INPP4B: variants seen among roughly 807,000 people sequenced by gnomAD.
The protein encoded by INPP4B is inositol polyphosphate-4-phosphatase type II B, also known as inositol polyphosphate 4-phosphatase type II.
INPP4B carries 55 observed loss-of-function variants against 122.5 expected under a neutral mutation model. The ratio of observed to expected loss-of-function variants is 0.45; its 90% CI spans 0.36 to 0.56. INPP4B has a LOEUF of 0.56. Among genes scored for constraint, INPP4B ranks in the 20% least tolerant of loss-of-function variants. INPP4B has a pLI of 0.00. For missense variants in INPP4B, 1,000 were observed against 1,097.7 expected (o/e 0.91, Z 1.26); for synonymous variants, 403 against 388.7 (o/e 1.04, Z -0.43).
chr4:142,177,545 T>C (rs1291788537), intron 15 of INPP4B, among the ~76,000 whole-genome samples: 2 of 152,252 alleles, frequency 1.3e-5, no homozygotes, highest in African/African-American at 4.8e-5. Context: ...TTATAGAATA[T>C]AAATAGTACT....
At chr4:142,842,084 C>A (rs928127587) in intron 1 of INPP4B, among the ~76,000 whole-genome samples, 77 of 151,754 alleles carry the variant, frequency 5.1e-4, no homozygotes, top group African/African-American at 1.8e-3. Context: ...AGATAATTCC[C>A]AAAGAAATGT....
At chr4:142,153,379 C>A (rs1815410192) in intron 17 of INPP4B, among the ~76,000 whole-genome samples, 2 of 152,122 alleles carry the variant, frequency 1.3e-5, no homozygotes. Flanking sequence ...AAAAAACTTT[C>A]TGTTTGGGAA....
At chr4:142,309,134 A>G (rs1764495477) in intron 8 of INPP4B, among the ~76,000 whole-genome samples, 1 of 152,190 alleles carries the variant, frequency 6.6e-6, no homozygotes, top group Non-Finnish European at 1.5e-5. Flanking sequence ...CAGGAAAATA[A>G]AACATCTCCC....
intron 3 of INPP4B, among the ~76,000 whole-genome samples, chr4:142,442,748 A>T (rs919686274): frequency 6.6e-6 from 1 of 152,208 alleles, no homozygotes; most frequent in Non-Finnish European, 1.5e-5. Context: ...AGAGCATGGT[A>T]GGAAGATATG....
intron 2 of INPP4B, among the ~76,000 whole-genome samples, chr4:142,548,268 G>A (rs2150065394): frequency 6.6e-6 from 1 of 152,268 alleles, no homozygotes; most frequent in South Asian, 2.1e-4. Flanking sequence ...CAGACTCAAT[G>A]GCTAATGTGT....
At chr4:142,601,170 A>G (rs1268908384) in intron 2 of INPP4B, among the ~76,000 whole-genome samples, 1 of 152,142 alleles carries the variant, frequency 6.6e-6, no homozygotes, top group African/African-American at 2.4e-5. Context: ...GAAACATTGC[A>G]CTTAAGCAAG....
intron 25 of INPP4B, chr4:142,029,966 A>ATAGTACTTTTTGTTTTT: frequency 3.6e-6 from 5 of 1,379,140 alleles, no homozygotes; most frequent in Non-Finnish European, 4.7e-6. Context: ...CACCTAATGC[A>ATAGTACTTTTTGTTTTT]TAGTACTTTT....
intron 2 of INPP4B, among the ~76,000 whole-genome samples, chr4:142,567,022 C>T (rs144865554): frequency 5.6e-4 from 85 of 152,258 alleles, no homozygotes; most frequent in African/African-American, 9.4e-4. Context: ...TCCCCTCAAA[C>T]GCTATCCTTT....
chr4:142,231,021 G>A (rs1252985186), intron 12 of INPP4B, among the ~76,000 whole-genome samples: 1 of 152,166 alleles, frequency 6.6e-6, no homozygotes, highest in Non-Finnish European at 1.5e-5. Context: ...GAATTCAGAA[G>A]GTGTTAATGC....
intron 25 of INPP4B, among the ~76,000 whole-genome samples, chr4:142,063,939 T>C (rs1263075059): frequency 6.6e-6 from 1 of 152,186 alleles, no homozygotes; most frequent in Non-Finnish European, 1.5e-5. Context: ...ATAACCTCTG[T>C]GGTGAAATTT....
chr4:142,443,198 A>G (rs1339716599), intron 3 of INPP4B, among the ~76,000 whole-genome samples: 1 of 152,158 alleles, frequency 6.6e-6, no homozygotes, highest in African/African-American at 2.4e-5. Flanking sequence ...TGAGAATATA[A>G]CACTCCTGAG....
At chr4:142,525,805 A>G (rs919610866) in intron 2 of INPP4B, among the ~76,000 whole-genome samples, 1 of 147,482 alleles carries the variant, frequency 6.8e-6, no homozygotes, top group African/African-American at 2.5e-5. Flanking sequence ...AACCTAGGCA[A>G]TACCATTCAG....
intron 15 of INPP4B, among the ~76,000 whole-genome samples, chr4:142,187,903 T>C (rs1305020979): frequency 6.6e-6 from 1 of 152,016 alleles, no homozygotes; most frequent in Non-Finnish European, 1.5e-5. Flanking sequence ...GCCTATATTA[T>C]GTATATAACT....
At chr4:142,140,066 A>G (rs1039153780) in intron 18 of INPP4B, among the ~76,000 whole-genome samples, 2 of 152,322 alleles carry the variant, frequency 1.3e-5, no homozygotes, top group East Asian at 3.9e-4. Flanking sequence ...GGAAATGTGG[A>G]ATGTGCCTTA....
chr4:142,161,218 G>A (rs1430313646), intron 16 of INPP4B, among the ~76,000 whole-genome samples: 1 of 151,864 alleles, frequency 6.6e-6, no homozygotes, highest in Non-Finnish European at 1.5e-5. Flanking sequence ...GTGAAACTTG[G>A]CATGTAGATT....
At chr4:142,278,528 C>G (rs1170558426) in intron 9 of INPP4B, among the ~76,000 whole-genome samples, 1 of 151,848 alleles carries the variant, frequency 6.6e-6, no homozygotes, top group African/African-American at 2.4e-5. Flanking sequence ...TCACAGGGAC[C>G]TAAAACTATG....
At chr4:142,339,296 C>T (rs1777888524) in intron 7 of INPP4B, among the ~76,000 whole-genome samples, 1 of 152,160 alleles carries the variant, frequency 6.6e-6, no homozygotes, top group South Asian at 2.1e-4. Context: ...CTGATACAGA[C>T]TTAATAGCCA....
chr4:142,071,011 A>G (rs1766928977), intron 25 of INPP4B, among the ~76,000 whole-genome samples: 1 of 152,200 alleles, frequency 6.6e-6, no homozygotes, highest in East Asian at 1.9e-4. Flanking sequence ...AGAACCAAAT[A>G]AGAGCCTGCA....
At chr4:142,701,775 G>C (rs1217668612) in intron 2 of INPP4B, among the ~76,000 whole-genome samples, 1 of 152,122 alleles carries the variant, frequency 6.6e-6, no homozygotes, top group African/African-American at 2.4e-5. Flanking sequence ...TACTGTAGGT[G>C]ATAAACCCTT....
Sources: gnomAD v4.1 joint callset for allele counts (sites outside exome capture counted in the v4.1 genomes callset) on GRCh38, gnomAD v4.1.1 for gene constraint, MANE v1.5 for transcripts, NCBI Gene and HGNC (gene_info 2026-07-23, HGNC 2026-07-21) for gene names.